TAFA2: variants seen among roughly 807,000 people sequenced by gnomAD.
TAFA2 encodes chemokine-like protein TAFA-2.
TAFA2 carries 7 observed loss-of-function variants against 18.8 expected under a neutral mutation model. The observed-to-expected ratio is 0.37, with a 90% confidence interval of 0.21 to 0.70. The LOEUF is 0.70. Ranked by LOEUF, TAFA2 falls within the 30% of genes least tolerant of loss-of-function variation. TAFA2 has a pLI of 0.53. For missense variants in TAFA2, 122 were observed against 158.1 expected (o/e 0.77, Z 1.23); for synonymous variants, 60 against 54.2 (o/e 1.11, Z -0.47).
intron 4 of TAFA2, among the ~76,000 whole-genome samples, chr12:61,752,013 A>G (rs941627978): frequency 5.3e-5 from 8 of 152,066 alleles, no homozygotes; most frequent in Non-Finnish European, 1.0e-4. Flanking sequence ...AAGTTAAATT[A>G]TTAGTACAAA....
At chr12:62,129,871 T>C (rs1407406240) in intron 1 of TAFA2, among the ~76,000 whole-genome samples, 2 of 151,952 alleles carry the variant, frequency 1.3e-5, no homozygotes, top group Non-Finnish European at 2.9e-5. Context: ...TGAGAACCAC[T>C]GCTGTACAGG....
chr12:61,839,739 G>A (rs187258538), intron 2 of TAFA2, among the ~76,000 whole-genome samples: 2 of 152,002 alleles, frequency 1.3e-5, no homozygotes, highest in Admixed American at 1.3e-4. Flanking sequence ...TGGAAGGAAG[G>A]ATGAAAGAGT....
chr12:62,149,928 C>T (rs1306679583), intron 1 of TAFA2, among the ~76,000 whole-genome samples: 2 of 152,134 alleles, frequency 1.3e-5, no homozygotes, highest in Admixed American at 6.5e-5. Flanking sequence ...TTATAAAGAT[C>T]GACGCAATTA....
intron 1 of TAFA2, among the ~76,000 whole-genome samples, chr12:61,908,602 A>G (rs1156699573): frequency 6.6e-6 from 1 of 152,124 alleles, no homozygotes; most frequent in Non-Finnish European, 1.5e-5. Flanking sequence ...AAACACAAAG[A>G]ATATAGATTT....
At chr12:62,091,235 A>G (rs1314630873) in intron 1 of TAFA2, among the ~76,000 whole-genome samples, 2 of 151,956 alleles carry the variant, frequency 1.3e-5, no homozygotes, top group Non-Finnish European at 2.9e-5. Flanking sequence ...AAGCAACTAT[A>G]GCATTTATAT....
chr12:61,808,932 A>T (rs1871744291), intron 2 of TAFA2, among the ~76,000 whole-genome samples: 2 of 151,780 alleles, frequency 1.3e-5, no homozygotes, highest in South Asian at 4.1e-4. Flanking sequence ...TACATCTATT[A>T]CATAAAGGTG....
intron 1 of TAFA2, among the ~76,000 whole-genome samples, chr12:62,058,443 T>C (rs1882243527): frequency 6.6e-6 from 1 of 152,228 alleles, no homozygotes; most frequent in Non-Finnish European, 1.5e-5. Context: ...GTGCTCACTA[T>C]GTGCTGGGCA....
At chr12:61,880,671 A>AGCT (rs1397811186) in intron 1 of TAFA2, 1 of 354,686 alleles carries the variant, frequency 2.8e-6, no homozygotes, top group Non-Finnish European at 5.5e-6. Context: ...TGCAGGCTCC[A>AGCT]GCTACTTCAG....
intron 1 of TAFA2, among the ~76,000 whole-genome samples, chr12:61,954,630 G>T (rs543916661): frequency 2.0e-5 from 3 of 152,196 alleles, no homozygotes; most frequent in Admixed American, 2.0e-4. Flanking sequence ...ATACTTCCAT[G>T]GGTAAGGTGG....
At position 61,920,543 on chromosome 12, in the gene TAFA2, T is replaced by C. The variant is rs536199222; in HGVS notation, c.-1-53117A>G. Among the ~76,000 whole-genome samples, 21 of 152,352 alleles carry C rather than the reference T, an allele frequency of 1.4e-4. No homozygotes were observed. In the South Asian group the frequency reaches 4.1e-3, roughly 30 times the overall value. Reference sequence around the variant, plus strand: ...AAAAGCCTAAAACCCTTTTCCTTTGTCATGTCACTTTTCTACAAATGTATT... The same window carrying C: ...AAAAGCCTAAAACCCTTTTCCTTTGCCATGTCACTTTTCTACAAATGTATT... On this transcript the variant is annotated intron_variant, in intron 1 of 4. Transcript: ENST00000416284.
intron 4 of TAFA2, among the ~76,000 whole-genome samples, chr12:61,713,723 C>CA (rs994812397): frequency 3.3e-5 from 5 of 152,116 alleles, no homozygotes; most frequent in African/African-American, 1.2e-4. Context: ...TAAAATTAAA[C>CA]AAAAATATCA....
chr12:61,999,847 A>G (rs1000811367), intron 1 of TAFA2, among the ~76,000 whole-genome samples: 12 of 152,222 alleles, frequency 7.9e-5, no homozygotes, highest in Admixed American at 6.5e-4. Flanking sequence ...AATAACATTT[A>G]TCATTAACTA....
intron 1 of TAFA2, among the ~76,000 whole-genome samples, chr12:62,250,398 G>A (rs2136994382): frequency 6.6e-6 from 1 of 152,154 alleles, no homozygotes; most frequent in Admixed American, 6.5e-5. Context: ...TTATGTTCAT[G>A]AGAATGGGTC....
chr12:62,234,976 T>A lies in TAFA2; in HGVS notation c.-130+23787A>T, dbSNP rs1476614107. The A allele has an allele frequency of 7.3e-6, 5 of 681,782 alleles. No individual in the cohort carries two copies. The Admixed American group carries it at 9.0e-5, about 12-fold the overall frequency. 42.2% of individuals were successfully genotyped at this position (681,782 alleles called of 1,614,324 possible). A position where few individuals can be genotyped will look rare whatever the true frequency, so the allele number is the denominator to read the frequency against. ...GAAGGCATGGTCGAGGCCAACAATG[T>A]TTCATCAGAAGGTACTGTCGAGAGG... On this transcript the variant is annotated intron_variant, in intron 1 of 5. Coordinates refer to the TAFA2 transcript ENST00000551619.
At chr12:62,023,963 A>C (rs1881232101) in intron 1 of TAFA2, among the ~76,000 whole-genome samples, 1 of 152,228 alleles carries the variant, frequency 6.6e-6, no homozygotes, top group Non-Finnish European at 1.5e-5. Context: ...TGAAAAGTCG[A>C]AAGTTTAGAT....
At chr12:61,987,806 C>T (rs940007325) in intron 1 of TAFA2, among the ~76,000 whole-genome samples, 6 of 152,148 alleles carry the variant, frequency 3.9e-5, no homozygotes, top group Non-Finnish European at 8.8e-5. Flanking sequence ...GATGTTGCCC[C>T]ATAACAGAGT....
intron 1 of TAFA2, among the ~76,000 whole-genome samples, chr12:61,938,401 T>G (rs1470029792): frequency 6.6e-6 from 1 of 152,088 alleles, no homozygotes; most frequent in Non-Finnish European, 1.5e-5. Context: ...TCACAGGGGT[T>G]TGGTTTACAG....
At chr12:61,884,115 A>G (rs77397311) in intron 1 of TAFA2, among the ~76,000 whole-genome samples, 2,615 of 152,272 alleles carry the variant, frequency 0.017, 81 homozygotes, top group African/African-American at 0.06. Context: ...AAGACACAGA[A>G]TTTAGAACAT....
At chr12:61,972,601 G>C (rs1480629043) in intron 1 of TAFA2, among the ~76,000 whole-genome samples, 2 of 151,652 alleles carry the variant, frequency 1.3e-5, no homozygotes, top group African/African-American at 4.8e-5. Context: ...AATGGGGAAA[G>C]GACTAAGCAG....
Sources: gnomAD v4.1 joint callset for allele counts (sites outside exome capture counted in the v4.1 genomes callset) on GRCh38, gnomAD v4.1.1 for gene constraint, MANE v1.5 for transcripts, NCBI Gene and HGNC (gene_info 2026-07-23, HGNC 2026-07-21) for gene names.